Variants in PTPRM observed in about 807,000 individuals in gnomAD.
PTPRM encodes protein tyrosine phosphatase receptor type M.
A neutral mutation model predicts 186.7 loss-of-function variants in PTPRM; 47 were observed. That is an observed-to-expected ratio of 0.25 (90% confidence interval 0.20 to 0.32). PTPRM has a LOEUF of 0.32. Ranked by LOEUF, PTPRM falls within the 10% of genes least tolerant of loss-of-function variation. The pLI, the probability that PTPRM is intolerant of heterozygous loss-of-function variation, is 1.00. For synonymous variants in PTPRM, 668 were observed against 674.9 expected, an observed-to-expected ratio of 0.99 and a Z score of 0.16; for missense variants, 1,494 against 1,865.0, an observed-to-expected ratio of 0.80 and a Z score of 3.66.
At chr18:8,384,781 C>T in intron 30 of PTPRM, 95 bp downstream of exon 30, 2 of 1,513,510 alleles carry the variant, frequency 1.3e-6, no homozygotes, top group Non-Finnish European at 1.8e-6. Context: ...AGTCACTGTT[C>T]CAGGAGTTTG....
At chr18:7,651,319 C>T (rs953296857) in intron 1 of PTPRM, among the ~76,000 whole-genome samples, 3 of 151,944 alleles carry the variant, frequency 2.0e-5, no homozygotes, top group South Asian at 2.1e-4. Flanking sequence ...AACTGGACTT[C>T]GTTAAAATTA....
intron 2 of PTPRM, among the ~76,000 whole-genome samples, chr18:7,778,185 G>A (rs1244710490): frequency 6.6e-6 from 1 of 152,208 alleles, no homozygotes; most frequent in Non-Finnish European, 1.5e-5. Context: ...GCAGTTTGGA[G>A]TTTTGTGCAA....
intron 1 of PTPRM, among the ~76,000 whole-genome samples, chr18:7,704,123 C>T (rs2040024625): frequency 6.6e-6 from 1 of 152,062 alleles, no homozygotes; most frequent in African/African-American, 2.4e-5. Context: ...GGCATATTGG[C>T]CTGATATTTT....
At chr18:7,707,973 T>G (rs1026560522) in intron 1 of PTPRM, among the ~76,000 whole-genome samples, 2 of 152,382 alleles carry the variant, frequency 1.3e-5, no homozygotes, top group African/African-American at 4.8e-5. Context: ...TGACTGTTTC[T>G]AATATTCTGT....
rs768830416 is a variant in PTPRM, at chr18:8,056,193, A to G, written c.1133-13493A>G. Reference sequence around the variant, plus strand: ...GCTTTCATACAAACACAATAATAATATGATATAATGAGTGGTTGTTGAGAG... The same window carrying G: ...GCTTTCATACAAACACAATAATAATGTGATATAATGAGTGGTTGTTGAGAG... On this transcript the variant is annotated intron_variant, in intron 7 of 32. Transcript: ENST00000580170. Among the ~76,000 whole-genome samples, 90 of 152,228 alleles carry G rather than the reference A, an allele frequency of 5.9e-4. 1 individual carries two copies. The highest frequency in any genetic ancestry group is 2.6e-4 in the Non-Finnish European group (18 of 68,046).
At chr18:8,205,183 A>G (rs1009128038) in intron 14 of PTPRM, among the ~76,000 whole-genome samples, 18 of 152,236 alleles carry the variant, frequency 1.2e-4, no homozygotes, top group African/African-American at 4.1e-4. Context: ...ATTAATAAAT[A>G]GAAAGCTTTA....
chr18:7,576,536 A>T (rs181530362), intron 1 of PTPRM, among the ~76,000 whole-genome samples: 2 of 152,176 alleles, frequency 1.3e-5, no homozygotes, highest in Admixed American at 6.5e-5. Flanking sequence ...TGGCAGGATC[A>T]CTGATCATGG....
intron 32 of PTPRM, chr18:8,403,699 A>G (rs2095885167): frequency 6.6e-6 from 1 of 152,220 alleles, no homozygotes; most frequent in African/African-American, 2.4e-5. Context: ...CCCTCAAAGA[A>G]ATCCTAGACC....
chr18:8,105,013 C>A (rs961543120), intron 11 of PTPRM, among the ~76,000 whole-genome samples: 1 of 152,096 alleles, frequency 6.6e-6, no homozygotes, highest in African/African-American at 2.4e-5. Context: ...ACCTTCAGGG[C>A]TAAATGCACT....
rs554272112 is a variant in PTPRM at position 7,590,059 on chromosome 18, G to A, written c.73+22168G>A. Among the ~76,000 whole-genome samples the A allele has an allele frequency of 7.1e-4, 108 of 152,278 alleles. 1 individual carries two copies. The highest frequency in any genetic ancestry group is 1.4e-3 in the Non-Finnish European group (93 of 68,020). On this transcript the variant is annotated intron_variant, in intron 1 of 32. Coordinates refer to ENST00000580170, the MANE Select transcript of PTPRM (RefSeq NM_001105244.2). ...TTATTACATGGATCTGGAAACAATG[G>A]TTAAATTGTTGGTTCAGGCCCTAGC...
chr18:8,127,298 G>A (rs986006834), intron 13 of PTPRM, among the ~76,000 whole-genome samples: 1 of 152,050 alleles, frequency 6.6e-6, no homozygotes, highest in African/African-American at 2.4e-5. Flanking sequence ...GACAGGGTCA[G>A]CCATATCAAA....
chr18:8,023,678 G>A (rs1029251937), intron 7 of PTPRM, among the ~76,000 whole-genome samples: 5 of 152,026 alleles, frequency 3.3e-5, no homozygotes, highest in South Asian at 2.1e-4. Context: ...TCAGTTTTAG[G>A]CAATTTTTGA....
intron 17 of PTPRM, chr18:8,248,494 G>A: frequency 2.2e-6 from 1 of 449,532 alleles, no homozygotes; most frequent in East Asian, 4.6e-5. Flanking sequence ...AAAAAACAAG[G>A]TGTCATCACT....
At chr18:7,699,449 C>G (rs1346491118) in intron 1 of PTPRM, among the ~76,000 whole-genome samples, 3 of 152,078 alleles carry the variant, frequency 2.0e-5, no homozygotes, top group South Asian at 4.1e-4. Context: ...TACTCTGTTG[C>G]CCAGGCTGAA....
At chr18:7,808,291 GC>G (rs1362630464) in intron 2 of PTPRM, among the ~76,000 whole-genome samples, 1 of 152,182 alleles carries the variant, frequency 6.6e-6, no homozygotes, top group Non-Finnish European at 1.5e-5. Context: ...GGTGGAGGTG[GC>G]TGAGGGCACA....
intron 14 of PTPRM, among the ~76,000 whole-genome samples, chr18:8,201,402 A>C (rs2093854533): frequency 6.6e-6 from 1 of 152,222 alleles, no homozygotes; most frequent in South Asian, 2.1e-4. Flanking sequence ...TTCAGGTGAT[A>C]ATTTTTTTAA....
At chr18:8,088,443 C>T (rs1414567886) in intron 10 of PTPRM, among the ~76,000 whole-genome samples, 3 of 151,782 alleles carry the variant, frequency 2.0e-5, no homozygotes, top group Non-Finnish European at 2.9e-5. Context: ...GGTGATTTTT[C>T]ACAAGCTATG....
chr18:7,607,444 TAGC>T (rs2143813599), intron 1 of PTPRM, among the ~76,000 whole-genome samples: 1 of 150,158 alleles, frequency 6.7e-6, no homozygotes, highest in South Asian at 2.1e-4. Context: ...GCAGCTAGCC[TAGC>T]CTAGCCTAGG....
At chr18:7,575,005 C>G (rs909781740) in intron 1 of PTPRM, among the ~76,000 whole-genome samples, 1 of 152,170 alleles carries the variant, frequency 6.6e-6, no homozygotes, top group South Asian at 2.1e-4. Flanking sequence ...GCACTCCAGT[C>G]TGGGCGACAG....
Sources: allele counts gnomAD v4.1 joint callset (sites outside exome capture counted in the v4.1 genomes callset), GRCh38; gene constraint gnomAD v4.1.1; transcripts MANE v1.5; gene names NCBI Gene and HGNC (gene_info 2026-07-23, HGNC 2026-07-21).